The following PDE4B variants were observed in gnomAD, a reference collection of about 807,000 sequenced individuals.
PDE4B encodes the protein phosphodiesterase 4B.
In PDE4B, 20 loss-of-function variants were observed where a neutral mutation model predicts 82.2. That is an observed-to-expected ratio of 0.24 (90% confidence interval 0.17 to 0.35). The LOEUF (loss-of-function observed/expected upper bound fraction) is 0.35, where lower values mean the gene tolerates loss of function less well. Among genes scored for constraint, PDE4B ranks in the 10% least tolerant of loss-of-function variants. The pLI is 1.00. For synonymous variants in PDE4B, 320 were observed against 318.9 expected, an observed-to-expected ratio of 1.00 and a Z score of -0.04; for missense variants, 655 against 907.2, an observed-to-expected ratio of 0.72 and a Z score of 3.57.
At chr1:66,038,450 T>A (rs1654180861) in intron 3 of PDE4B, among the ~76,000 whole-genome samples, 3 of 152,032 alleles carry the variant, frequency 2.0e-5, no homozygotes, top group Admixed American at 6.6e-5. Flanking sequence ...AAAGTGGGAG[T>A]GAAGAGAACA....
intron 1 of PDE4B, among the ~76,000 whole-genome samples, chr1:65,816,387 T>C (rs1166050233): frequency 6.6e-6 from 1 of 152,184 alleles, no homozygotes; most frequent in Admixed American, 6.5e-5. Flanking sequence ...ACCGAATTGA[T>C]AATTCATAAA....
intron 3 of PDE4B, among the ~76,000 whole-genome samples, chr1:65,947,861 T>C (rs1182151570): frequency 6.6e-6 from 1 of 151,674 alleles, no homozygotes; most frequent in East Asian, 1.9e-4. Context: ...AATAAACTTC[T>C]GTTGTTTAAA....
chr1:66,303,353 G>A (rs950592410), intron 7 of PDE4B, among the ~76,000 whole-genome samples: 48 of 148,418 alleles, frequency 3.2e-4, no homozygotes, highest in East Asian at 6.0e-4. Flanking sequence ...GTGTGTGTGT[G>A]TATATATATA....
At chr1:66,266,328 A>C (rs1274811987) in intron 7 of PDE4B, among the ~76,000 whole-genome samples, 2 of 152,208 alleles carry the variant, frequency 1.3e-5, no homozygotes, top group African/African-American at 4.8e-5. Flanking sequence ...TATGATAAAC[A>C]TGGGGTAATG....
At chr1:66,150,043 T>C (rs1329720288) in intron 3 of PDE4B, among the ~76,000 whole-genome samples, 3 of 152,204 alleles carry the variant, frequency 2.0e-5, no homozygotes, top group Non-Finnish European at 4.4e-5. Context: ...GGAACCCTTG[T>C]AGAAAATTAA....
intron 3 of PDE4B, among the ~76,000 whole-genome samples, chr1:65,976,494 T>C (rs1050235105): frequency 5.9e-5 from 9 of 152,270 alleles, no homozygotes; most frequent in East Asian, 5.8e-4. Flanking sequence ...TGTGGGACTG[T>C]TGGGGAGGCA....
At chr1:66,281,956 G>A (rs897230671) in intron 7 of PDE4B, among the ~76,000 whole-genome samples, 7 of 152,192 alleles carry the variant, frequency 4.6e-5, no homozygotes, top group Non-Finnish European at 1.0e-4. Flanking sequence ...GTAGAGTTAG[G>A]ATGTGAACAC....
At chr1:66,051,825 CAT>C (rs1197065613) in intron 3 of PDE4B, among the ~76,000 whole-genome samples, 1 of 152,112 alleles carries the variant, frequency 6.6e-6, no homozygotes, top group African/African-American at 2.4e-5. Flanking sequence ...TATTATCACT[CAT>C]GTATTGTGGT....
chr1:65,992,105 A>G (rs1219903145), intron 3 of PDE4B, among the ~76,000 whole-genome samples: 3 of 152,102 alleles, frequency 2.0e-5, no homozygotes, highest in African/African-American at 7.2e-5. Flanking sequence ...CATTTTTTAT[A>G]TTGATGCTGT....
At chr1:66,153,931 A>C (rs1646452672) in intron 3 of PDE4B, among the ~76,000 whole-genome samples, 1 of 152,194 alleles carries the variant, frequency 6.6e-6, no homozygotes, top group Non-Finnish European at 1.5e-5. Context: ...AAGATGCCTG[A>C]TATACCATCA....
At chr1:65,895,351 A>G (rs1260642078) in intron 1 of PDE4B, among the ~76,000 whole-genome samples, 1 of 152,024 alleles carries the variant, frequency 6.6e-6, no homozygotes, top group Admixed American at 6.6e-5. Context: ...GGAGTTCAAG[A>G]TCAGCTTGGC....
intron 3 of PDE4B, among the ~76,000 whole-genome samples, chr1:66,215,610 T>C (rs1029028858): frequency 6.6e-6 from 1 of 152,074 alleles, no homozygotes; most frequent in African/African-American, 2.4e-5. Context: ...GGAAGAGCAA[T>C]ATGATGGCTT....
At chr1:65,970,562 C>T (rs1313533495) in intron 3 of PDE4B, among the ~76,000 whole-genome samples, 2 of 152,088 alleles carry the variant, frequency 1.3e-5, no homozygotes, top group East Asian at 1.9e-4. Flanking sequence ...GCCATATTCT[C>T]ATGGAGTTCA....
Position 66,109,073 on chromosome 1 carries a change from C to T in PDE4B, c.282-138387C>T, listed in dbSNP as rs529200405. On this transcript the variant is annotated intron_variant, in intron 3 of 16. Coordinates refer to ENST00000341517, the MANE Select transcript of PDE4B (RefSeq NM_002600.4). The stretch of plus-strand genomic sequence containing the variant: ...ACTGAAACAAGTTATTTGAATATCC[C>T]TTGCTAATCAGTAAGGTAATTAATG... 2.0e-5 allele frequency among the ~76,000 whole-genome samples: 3 copies of T among 152,006 alleles called. No individual in the cohort carries two copies. In the East Asian group the frequency reaches 5.8e-4, roughly 29 times the overall value.
intron 7 of PDE4B, among the ~76,000 whole-genome samples, chr1:66,304,360 C>T (rs182532935): frequency 4.9e-4 from 75 of 152,210 alleles, no homozygotes; most frequent in African/African-American, 1.6e-3. Context: ...TGCTACATCA[C>T]GGTTTTCTGA....
intron 3 of PDE4B, among the ~76,000 whole-genome samples, chr1:66,153,406 T>A (rs1646441391): frequency 6.6e-6 from 1 of 152,226 alleles, no homozygotes; most frequent in Non-Finnish European, 1.5e-5. Context: ...CTTGCTCTGC[T>A]TTGCATTATT....
chr1:66,270,122 G>A (rs1185971742), intron 7 of PDE4B, among the ~76,000 whole-genome samples: 1 of 152,170 alleles, frequency 6.6e-6, no homozygotes, highest in African/African-American at 2.4e-5. Flanking sequence ...CCAGATTGCT[G>A]CAGATACTAA....
intron 3 of PDE4B, among the ~76,000 whole-genome samples, chr1:66,210,110 A>C (rs760223872): frequency 2.8e-4 from 43 of 152,230 alleles, no homozygotes; most frequent in South Asian, 1.2e-3. Flanking sequence ...CATGGAATCC[A>C]GCTAATTTCT....
intron 3 of PDE4B, among the ~76,000 whole-genome samples, chr1:66,136,274 G>A (rs1257879990): frequency 6.6e-6 from 1 of 151,952 alleles, no homozygotes; most frequent in Non-Finnish European, 1.5e-5. Context: ...GTTCTTCCAG[G>A]GCTTCAACCA....
Sources: allele counts gnomAD v4.1 joint callset (sites outside exome capture counted in the v4.1 genomes callset), GRCh38; gene constraint gnomAD v4.1.1; transcripts MANE v1.5; gene names NCBI Gene and HGNC (gene_info 2026-07-23, HGNC 2026-07-21).